Variants in DYM observed in about 807,000 individuals in gnomAD.
DYM encodes dymeclin, also known as dyggve-Melchior-Clausen syndrome protein.
In DYM, 78 loss-of-function variants were observed where a neutral mutation model predicts 93.1. The observed-to-expected ratio is 0.84, with a 90% CI of 0.70 to 1.01. The LOEUF is 1.01. DYM is among the 50% of genes least tolerant of loss of function. The probability of loss-of-function intolerance (pLI) is 0.00; values close to 1 mark genes in which losing one functional copy is unlikely to be tolerated. For synonymous variants in DYM, 321 were observed against 319.7 expected (o/e 1.00, Z -0.04); for missense variants, 789 against 845.0 (o/e 0.93, Z 0.82).
At chr18:49,369,879 G>T (rs1006182964) in intron 5 of DYM, among the ~76,000 whole-genome samples, 16 of 152,148 alleles carry the variant, frequency 1.1e-4, no homozygotes, top group Non-Finnish European at 1.8e-4. Context: ...AGTGTCTTGG[G>T]CCTAGCACCT....
At chr18:49,290,277 G>A (rs1483120269) in intron 8 of DYM, among the ~76,000 whole-genome samples, 2 of 151,130 alleles carry the variant, frequency 1.3e-5, no homozygotes, top group South Asian at 2.1e-4. Flanking sequence ...AGGAAATACC[G>A]TTAAGTGAAA....
At chr18:49,047,389 G>A (rs1322944920) in intron 17 of DYM, among the ~76,000 whole-genome samples, 5 of 152,366 alleles carry the variant, frequency 3.3e-5, no homozygotes, top group East Asian at 3.9e-4. Context: ...CAATGGAGGG[G>A]ACAACTTCTT....
At chr18:49,205,992 G>GTTTTTTGTTTT (rs2092459404) in intron 14 of DYM, 1 of 55,802 alleles carries the variant, frequency 1.8e-5, no homozygotes, top group African/African-American at 4.8e-5. Context: ...CTAAGGTAGA[G>GTTTTTTGTTTT]TTTTTTTTTT....
At chr18:49,301,754 T>C (rs2060951332) in intron 8 of DYM, among the ~76,000 whole-genome samples, 1 of 152,214 alleles carries the variant, frequency 6.6e-6, no homozygotes, top group African/African-American at 2.4e-5. Context: ...AGCTTTGTTT[T>C]TCATCTCAGA....
At chr18:49,132,900 T>C (rs995231907) in intron 15 of DYM, among the ~76,000 whole-genome samples, 2 of 152,126 alleles carry the variant, frequency 1.3e-5, no homozygotes, top group Admixed American at 6.5e-5. Context: ...AAAAAATTGT[T>C]TTAGTAAAGT....
At chr18:49,428,026 G>C (rs2074450910) in intron 2 of DYM, among the ~76,000 whole-genome samples, 1 of 152,184 alleles carries the variant, frequency 6.6e-6, no homozygotes, top group African/African-American at 2.4e-5. Flanking sequence ...AGGAGTTCAA[G>C]GCTATAGTGA....
chr18:49,283,121 AG>A (rs1374951312), intron 9 of DYM, among the ~76,000 whole-genome samples: 1 of 152,230 alleles, frequency 6.6e-6, no homozygotes, highest in Non-Finnish European at 1.5e-5. Flanking sequence ...ATTTGTGTAC[AG>A]TTCTAAATTG....
At chr18:49,333,504 C>T (rs1021699938) in intron 7 of DYM, among the ~76,000 whole-genome samples, 1 of 152,110 alleles carries the variant, frequency 6.6e-6, no homozygotes, top group Non-Finnish European at 1.5e-5. Context: ...GAAGCAACCA[C>T]TGGAGAAGGT....
intron 14 of DYM, among the ~76,000 whole-genome samples, chr18:49,206,816 G>GC (rs2146037425): frequency 6.6e-6 from 1 of 152,306 alleles, no homozygotes; most frequent in African/African-American, 2.4e-5. Flanking sequence ...CCCCCTGGAG[G>GC]CTTCATACTG....
At chr18:49,290,125 G>T (rs939603320) in intron 8 of DYM, among the ~76,000 whole-genome samples, 1 of 151,392 alleles carries the variant, frequency 6.6e-6, no homozygotes, top group African/African-American at 2.4e-5. Context: ...GCATGTATAG[G>T]AATGTTTACT....
intron 1 of DYM, among the ~76,000 whole-genome samples, chr18:49,438,375 AT>A (rs577166770): frequency 1.3e-3 from 198 of 152,230 alleles, no homozygotes; most frequent in Non-Finnish European, 2.2e-3. Context: ...TATAAATCAT[AT>A]TTTTTTAAAT....
At chr18:49,437,801 T>C (rs1427319928) in intron 1 of DYM, among the ~76,000 whole-genome samples, 1 of 152,226 alleles carries the variant, frequency 6.6e-6, no homozygotes, top group East Asian at 1.9e-4. Context: ...ATTTTGCATC[T>C]CTCTTGCCGT....
chr18:49,154,130 A>C (rs899761422), intron 15 of DYM, among the ~76,000 whole-genome samples: 1 of 152,188 alleles, frequency 6.6e-6, no homozygotes, highest in African/African-American at 2.4e-5. Flanking sequence ...ATATTCCACA[A>C]AATAACTGAC....
chr18:49,280,534 T>C (rs2094944022), intron 10 of DYM, among the ~76,000 whole-genome samples: 1 of 152,164 alleles, frequency 6.6e-6, no homozygotes, highest in African/African-American at 2.4e-5. Context: ...CTTGAGATTT[T>C]TGGAAGACCT....
chr18:49,232,691 C>T (rs1399826429), intron 13 of DYM, among the ~76,000 whole-genome samples: 4 of 149,362 alleles, frequency 2.7e-5, no homozygotes, highest in Non-Finnish European at 5.9e-5. Context: ...TCACTGCAAC[C>T]TCTGCGTCCC....
chr18:49,169,552 G>A (rs1300816604), intron 14 of DYM, among the ~76,000 whole-genome samples: 1 of 152,198 alleles, frequency 6.6e-6, no homozygotes, highest in Non-Finnish European at 1.5e-5. Context: ...ACTACAATAT[G>A]AGAAAGTGAT....
intron 1 of DYM, among the ~76,000 whole-genome samples, chr18:49,449,084 T>C (rs28889615): frequency 0.21 from 31,913 of 152,078 alleles, 3,441 homozygotes; most frequent in Middle Eastern, 0.28. Context: ...CTTTCACTCT[T>C]ACCTCTACAG....
rs563145022 is a variant in DYM at position 49,211,327 on chromosome 18, A to G, written c.1461-1612T>C. On this transcript the variant is annotated intron_variant, in intron 13 of 17. Coordinates refer to ENST00000675505, the MANE Select transcript of DYM (RefSeq NM_001353214.3). Reference sequence around the variant, plus strand: ...TATTATTGTCAGAGTAATTTCACTGACGCCACATTTCAGGCCATTTAAAAA... The same window carrying G: ...TATTATTGTCAGAGTAATTTCACTGGCGCCACATTTCAGGCCATTTAAAAA... Among the ~76,000 whole-genome samples the G allele has an allele frequency of 7.4e-4, 113 of 152,326 alleles. 2 individuals are homozygous for G. The highest frequency in any genetic ancestry group is 2.7e-3 in the African/African-American group (112 of 41,580).
intron 15 of DYM, among the ~76,000 whole-genome samples, chr18:49,134,525 T>C (rs1482113850): frequency 2.0e-5 from 3 of 152,240 alleles, no homozygotes; most frequent in Admixed American, 1.3e-4. Context: ...ACGAATGCTG[T>C]CTTGATTTAA....
Sources: gnomAD v4.1 joint callset for allele counts (sites outside exome capture counted in the v4.1 genomes callset) on GRCh38, gnomAD v4.1.1 for gene constraint, MANE v1.5 for transcripts, NCBI Gene and HGNC (gene_info 2026-07-23, HGNC 2026-07-21) for gene names.